Variants in ADAMTS3 observed in about 807,000 individuals in gnomAD.
ADAMTS3 encodes ADAM metallopeptidase with thrombospondin type 1 motif 3.
Under a neutral mutation model 129.0 loss-of-function variants are expected in ADAMTS3, and 73 were observed. That is an observed-to-expected ratio of 0.57 (90% confidence interval 0.47 to 0.69). The LOEUF (loss-of-function observed/expected upper bound fraction) is 0.69. Among genes scored for constraint, ADAMTS3 ranks in the 30% least tolerant of loss-of-function variants. The pLI, the probability that ADAMTS3 is intolerant of heterozygous loss-of-function variation, is 0.00. For missense variants in ADAMTS3, 1,457 were observed against 1,514.5 expected, an observed-to-expected ratio of 0.96 and a Z score of 0.63; for synonymous variants, 477 against 510.8, an observed-to-expected ratio of 0.93 and a Z score of 0.89.
At chr4:72,496,838 T>C (rs1719885336) in intron 3 of ADAMTS3, among the ~76,000 whole-genome samples, 1 of 152,078 alleles carries the variant, frequency 6.6e-6, no homozygotes. Flanking sequence ...TAATTCTGTA[T>C]ATTTCAACTC....
chr4:72,549,863 C>T lies in ADAMTS3; in HGVS notation c.98-979G>A, dbSNP rs147300087. 2.4e-3 allele frequency among the ~76,000 whole-genome samples: 350 copies of T among 145,688 alleles called. 1 individual carries two copies. The highest frequency in any genetic ancestry group is 8.4e-3 in the African/African-American group (331 of 39,448). ...ATGCAAACACCCTTGGGAAATAGAA[C>T]ACTTTAAAGGAACTATTATAAGAAT... On this transcript the variant is annotated intron_variant, in intron 2 of 21. Transcript: ENST00000286657.
intron 3 of ADAMTS3, among the ~76,000 whole-genome samples, chr4:72,474,928 G>A (rs1045400281): frequency 4.0e-5 from 6 of 151,170 alleles, no homozygotes; most frequent in African/African-American, 1.5e-4. Context: ...TTGGGAGGCT[G>A]AGGCAGGAGA....
chr4:72,453,337 A>G (rs1718457811), intron 3 of ADAMTS3, among the ~76,000 whole-genome samples: 1 of 151,836 alleles, frequency 6.6e-6, no homozygotes, highest in South Asian at 2.1e-4. Context: ...CCCAACAGTG[A>G]CATAGTCGGC....
At chr4:72,550,606 T>C (rs545908483) in intron 2 of ADAMTS3, among the ~76,000 whole-genome samples, 7 of 152,260 alleles carry the variant, frequency 4.6e-5, no homozygotes, top group African/African-American at 1.7e-4. Context: ...ATTCCAAAAC[T>C]GGACAGACAG....
intron 3 of ADAMTS3, among the ~76,000 whole-genome samples, chr4:72,530,777 T>A (rs867542636): frequency 7.3e-4 from 55 of 75,542 alleles, no homozygotes; most frequent in East Asian, 1.0e-3. Flanking sequence ...ATTATATATA[T>A]TATATTATAC....
chr4:72,518,274 G>A (rs1425703286), intron 3 of ADAMTS3, among the ~76,000 whole-genome samples: 2 of 152,084 alleles, frequency 1.3e-5, no homozygotes, highest in African/African-American at 4.8e-5. Context: ...GTCAATTTTG[G>A]AATAGGTGTG....
At chr4:72,295,922 A>C (rs1030102137) in intron 18 of ADAMTS3, 136 bp from the exon 19 acceptor site, 9 of 1,057,208 alleles carry the variant, frequency 8.5e-6, no homozygotes, top group Non-Finnish European at 1.2e-5. Flanking sequence ...CCGGCACTTC[A>C]ATAGGTGCTG....
intron 3 of ADAMTS3, among the ~76,000 whole-genome samples, chr4:72,460,213 T>C (rs1718729023): frequency 6.6e-6 from 1 of 151,626 alleles, no homozygotes; most frequent in Admixed American, 6.6e-5. Flanking sequence ...CACAAAATTA[T>C]TGTTCTGTTC....
intron 3 of ADAMTS3, among the ~76,000 whole-genome samples, chr4:72,481,034 A>G (rs1006637915): frequency 8.5e-5 from 13 of 152,264 alleles, no homozygotes; most frequent in African/African-American, 3.1e-4. Flanking sequence ...AACTTACACA[A>G]TATTGGTGAA....
chr4:72,439,989 G>A (rs1194877837), intron 3 of ADAMTS3, among the ~76,000 whole-genome samples: 1 of 151,576 alleles, frequency 6.6e-6, no homozygotes, highest in African/African-American at 2.4e-5. Flanking sequence ...ATCTAATAAT[G>A]CCAATGCAAA....
intron 4 of ADAMTS3, among the ~76,000 whole-genome samples, chr4:72,388,457 G>T (rs1721501508): frequency 6.6e-6 from 1 of 152,140 alleles, no homozygotes; most frequent in South Asian, 2.1e-4. Context: ...CAACAAAGGG[G>T]CCACGTCACT....
intron 5 of ADAMTS3, among the ~76,000 whole-genome samples, chr4:72,334,132 A>T (rs1303714145): frequency 6.6e-6 from 1 of 151,682 alleles, no homozygotes; most frequent in Non-Finnish European, 1.5e-5. Context: ...GGATTACAGG[A>T]GAAAGAAGGT....
chr4:72,471,223 C>G (rs1034391024), intron 3 of ADAMTS3, among the ~76,000 whole-genome samples: 1 of 152,128 alleles, frequency 6.6e-6, no homozygotes, highest in Non-Finnish European at 1.5e-5. Flanking sequence ...ACTTGGAGTA[C>G]TTGTTATCTG....
chr4:72,318,791 T>A (rs1719469453), intron 9 of ADAMTS3, 87 bp from the exon 10 acceptor site: 3 of 1,334,100 alleles, frequency 2.2e-6, no homozygotes, highest in Non-Finnish European at 3.1e-6. Context: ...TTAGCTTATA[T>A]ACTTTAGAAT....
intron 3 of ADAMTS3, among the ~76,000 whole-genome samples, chr4:72,444,688 G>C (rs1223606079): frequency 6.6e-6 from 1 of 151,744 alleles, no homozygotes; most frequent in Non-Finnish European, 1.5e-5. Flanking sequence ...AAATAGCATA[G>C]GCTACGTATT....
At chr4:72,294,620 G>A (rs942886318) in intron 19 of ADAMTS3, among the ~76,000 whole-genome samples, 4 of 151,952 alleles carry the variant, frequency 2.6e-5, no homozygotes, top group Non-Finnish European at 5.9e-5. Context: ...GCACAACGAT[G>A]AGTAAAAATG....
chr4:72,378,516 T>TA (rs1341481778), intron 4 of ADAMTS3, among the ~76,000 whole-genome samples: 1 of 152,132 alleles, frequency 6.6e-6, no homozygotes, highest in Non-Finnish European at 1.5e-5. Context: ...GAAACCATCT[T>TA]AGATAGGCCG....
chr4:72,445,083 G>A (rs749717651), intron 3 of ADAMTS3, among the ~76,000 whole-genome samples: 2 of 151,532 alleles, frequency 1.3e-5, no homozygotes, highest in Non-Finnish European at 3.0e-5. Flanking sequence ...TAATGGGCAC[G>A]TGGTTTATTT....
intron 4 of ADAMTS3, among the ~76,000 whole-genome samples, chr4:72,363,790 G>A (rs1720791021): frequency 6.6e-6 from 1 of 151,850 alleles, no homozygotes; most frequent in Admixed American, 6.6e-5. Flanking sequence ...AAAAAATGAA[G>A]CCAGTATACA....
Sources: gnomAD v4.1 joint callset for allele counts (sites outside exome capture counted in the v4.1 genomes callset) on GRCh38, gnomAD v4.1.1 for gene constraint, MANE v1.5 for transcripts, NCBI Gene and HGNC (gene_info 2026-07-23, HGNC 2026-07-21) for gene names.